Variants in CACNA2D3 observed in about 807,000 individuals in gnomAD.
The protein encoded by CACNA2D3 is voltage-dependent calcium channel subunit alpha-2/delta-3.
In CACNA2D3, 60 loss-of-function variants were observed where a neutral mutation model predicts 160.6. That is an observed-to-expected ratio of 0.37 (90% confidence interval 0.30 to 0.46). The LOEUF (loss-of-function observed/expected upper bound fraction) is 0.46, where lower values mean the gene tolerates loss of function less well. CACNA2D3 is among the 20% of genes least tolerant of loss of function. The pLI, the probability that CACNA2D3 is intolerant of heterozygous loss-of-function variation, is 1.00. For synonymous variants in CACNA2D3, 558 were observed against 492.9 expected, an observed-to-expected ratio of 1.13 and a Z score of -1.75; for missense variants, 1,205 against 1,365.0, an observed-to-expected ratio of 0.88 and a Z score of 1.85.
At chr3:54,223,505 C>A (rs1701611493) in intron 2 of CACNA2D3, among the ~76,000 whole-genome samples, 2 of 152,016 alleles carry the variant, frequency 1.3e-5, no homozygotes, top group Non-Finnish European at 2.9e-5. Flanking sequence ...AATGTGAATG[C>A]CTAGGACATT....
At chr3:54,694,966 T>A (rs1246205470) in intron 11 of CACNA2D3, among the ~76,000 whole-genome samples, 1 of 152,232 alleles carries the variant, frequency 6.6e-6, no homozygotes, top group Non-Finnish European at 1.5e-5. Flanking sequence ...TCTACATAAC[T>A]TTTTATCTTG....
intron 2 of CACNA2D3, among the ~76,000 whole-genome samples, chr3:54,186,631 C>T (rs1208084719): frequency 6.6e-6 from 1 of 152,060 alleles, no homozygotes; most frequent in African/African-American, 2.4e-5. Context: ...TACATGACTG[C>T]TCTAATTACA....
At chr3:54,187,536 G>A (rs1006116088) in intron 2 of CACNA2D3, among the ~76,000 whole-genome samples, 11 of 152,108 alleles carry the variant, frequency 7.2e-5, no homozygotes, top group Admixed American at 2.0e-4. Context: ...GTGGAGGAAG[G>A]CATCGCTAGT....
intron 34 of CACNA2D3, among the ~76,000 whole-genome samples, chr3:55,014,641 A>G (rs1703287800): frequency 6.6e-6 from 1 of 152,142 alleles, no homozygotes; most frequent in Non-Finnish European, 1.5e-5. Context: ...CTAAGGTAGG[A>G]GAATCGTTTG....
At chr3:55,060,388 A>G (rs183389017) in intron 35 of CACNA2D3, among the ~76,000 whole-genome samples, 2 of 152,262 alleles carry the variant, frequency 1.3e-5, no homozygotes, top group Admixed American at 1.3e-4. Context: ...GATGGTGGTG[A>G]TTAGTTATAT....
chr3:54,827,992 A>G (rs946661035), intron 14 of CACNA2D3, among the ~76,000 whole-genome samples: 2 of 152,196 alleles, frequency 1.3e-5, no homozygotes, highest in African/African-American at 4.8e-5. Flanking sequence ...AACAGTTTGC[A>G]CAAATTTTGG....
intron 12 of CACNA2D3, among the ~76,000 whole-genome samples, chr3:54,757,627 T>C (rs1701998172): frequency 6.6e-6 from 1 of 152,076 alleles, no homozygotes; most frequent in African/African-American, 2.4e-5. Context: ...AGATTTTGAG[T>C]GGGAATGAAG....
chr3:54,579,069 C>T (rs1306576984), intron 8 of CACNA2D3, among the ~76,000 whole-genome samples: 1 of 152,130 alleles, frequency 6.6e-6, no homozygotes, highest in Non-Finnish European at 1.5e-5. Flanking sequence ...TGTACAACCC[C>T]AGGAATCAAT....
At chr3:54,832,755 C>G (rs142472725) in intron 14 of CACNA2D3, among the ~76,000 whole-genome samples, 1,742 of 152,326 alleles carry the variant, frequency 0.011, 30 homozygotes, top group African/African-American at 0.037. Flanking sequence ...TCTCCCTTAG[C>G]AGACTTGAGG....
intron 11 of CACNA2D3, among the ~76,000 whole-genome samples, chr3:54,696,404 C>T (rs1211773738): frequency 1.3e-5 from 2 of 152,208 alleles, no homozygotes; most frequent in Non-Finnish European, 2.9e-5. Context: ...AGGTCCGATG[C>T]TATTTACAAT....
At chr3:55,073,324 T>C (rs1704859498) in intron 35 of CACNA2D3, 121 bp from the exon 36 acceptor site, 1 of 659,804 alleles carries the variant, frequency 1.5e-6, no homozygotes, top group Non-Finnish European at 2.7e-6. Flanking sequence ...AGTAGTAAAA[T>C]AGTCTCCAAA....
intron 12 of CACNA2D3, 133 bp from the exon 13 acceptor site, chr3:54,764,085 G>A: frequency 1.1e-6 from 1 of 906,016 alleles, no homozygotes; most frequent in South Asian, 1.8e-5. Context: ...AGAAAAATGG[G>A]GGAGAGGAGC....
intron 11 of CACNA2D3, among the ~76,000 whole-genome samples, chr3:54,660,110 T>C (rs559998399): frequency 1.3e-5 from 2 of 152,096 alleles, no homozygotes; most frequent in Non-Finnish European, 2.9e-5. Context: ...TTCCATGTCA[T>C]TGGGTCCTCA....
At chr3:54,977,724 A>G (rs768921227) in intron 29 of CACNA2D3, among the ~76,000 whole-genome samples, 8 of 152,078 alleles carry the variant, frequency 5.3e-5, no homozygotes, top group Non-Finnish European at 1.2e-4. Flanking sequence ...TATCTGCAGA[A>G]TGAGCATCAT....
chr3:54,708,986 A>T (rs2106959940), intron 11 of CACNA2D3, among the ~76,000 whole-genome samples: 1 of 150,866 alleles, frequency 6.6e-6, no homozygotes, highest in South Asian at 2.1e-4. Flanking sequence ...TCAACCCTAA[A>T]ACCTAATTCT....
intron 3 of CACNA2D3, among the ~76,000 whole-genome samples, chr3:54,363,944 C>T (rs1698786872): frequency 6.6e-6 from 1 of 152,184 alleles, no homozygotes; most frequent in Non-Finnish European, 1.5e-5. Flanking sequence ...AGATATCCCA[C>T]AGAGACTGAT....
At chr3:54,127,753 C>T (rs767283277) in intron 2 of CACNA2D3, among the ~76,000 whole-genome samples, 26 of 152,104 alleles carry the variant, frequency 1.7e-4, no homozygotes, top group African/African-American at 2.4e-4. Context: ...TCATTCAGGG[C>T]AGTTTATTGG....
chr3:54,138,252 G>A (rs150709535), intron 2 of CACNA2D3, among the ~76,000 whole-genome samples: 1 of 152,344 alleles, frequency 6.6e-6, no homozygotes, highest in East Asian at 1.9e-4. Context: ...AGCCACTTTA[G>A]TTGGTTCCAA....
chr3:54,896,677 T>C, intron 25 of CACNA2D3, 72 bp from the exon 26 acceptor site: 1 of 1,593,732 alleles, frequency 6.3e-7, no homozygotes, highest in African/African-American at 1.3e-5. Flanking sequence ...TGATGAAGGC[T>C]GTCGGGGTGC....
Sources: allele counts gnomAD v4.1 joint callset (sites outside exome capture counted in the v4.1 genomes callset), GRCh38; gene constraint gnomAD v4.1.1; transcripts MANE v1.5; gene names NCBI Gene and HGNC (gene_info 2026-07-23, HGNC 2026-07-21).